The following CACNA2D2 variants were observed in gnomAD, a reference collection of about 807,000 sequenced individuals.
The protein encoded by CACNA2D2 is calcium voltage-gated channel auxiliary subunit alpha2delta 2, also known as voltage-dependent calcium channel subunit alpha-2/delta-2.
In CACNA2D2, 48 loss-of-function variants were observed where a neutral mutation model predicts 166.4. The ratio of observed to expected loss-of-function variants is 0.29; its 90% CI spans 0.23 to 0.37. The LOEUF is 0.37. Ranked by LOEUF, CACNA2D2 falls within the 10% of genes least tolerant of loss-of-function variation. The pLI is 1.00. For missense variants in CACNA2D2, 1,122 were observed against 1,433.0 expected (o/e 0.78, Z 3.50); for synonymous variants, 561 against 573.7 (o/e 0.98, Z 0.32).
chr3:50,483,554 G>A (rs1292890311), intron 1 of CACNA2D2, among the ~76,000 whole-genome samples: 3 of 152,176 alleles, frequency 2.0e-5, no homozygotes, highest in Admixed American at 1.3e-4. Context: ...GCCATCATCC[G>A]GCATTAATTA....
chr3:50,432,274 T>A (rs1708107385), intron 3 of CACNA2D2, among the ~76,000 whole-genome samples: 2 of 152,088 alleles, frequency 1.3e-5, no homozygotes, highest in South Asian at 2.1e-4. Flanking sequence ...GGCTGGGCCC[T>A]GGGCTCCACG....
chr3:50,382,147 A>T (rs924502346), intron 6 of CACNA2D2, among the ~76,000 whole-genome samples: 3 of 152,168 alleles, frequency 2.0e-5, no homozygotes, highest in African/African-American at 7.2e-5. Flanking sequence ...TGTGTGTGAC[A>T]CATGTTCTCA....
chr3:50,397,969 G>A (rs1559909849), intron 3 of CACNA2D2, among the ~76,000 whole-genome samples: 1 of 152,184 alleles, frequency 6.6e-6, no homozygotes, highest in Admixed American at 6.5e-5. Context: ...GGCCTGCTGA[G>A]GGCTGGCAGG....
At position 50,381,113 on chromosome 3, in the gene CACNA2D2, G is replaced by C; in HGVS notation, c.666C>G (p.Leu222=). The C allele has an allele frequency of 2.5e-6, 4 of 1,613,792 alleles. No individual in the cohort carries two copies. The highest frequency in any genetic ancestry group is 2.5e-6 in the Non-Finnish European group (3 of 1,179,860). ...TDIYKGSTVI[L]NELNWTEALE... ...GGGCCTCTGTCCAGTTGAGCTCATTGAGGATGACAGTGGCTGGGGGGAAGC... is the reference window on the plus strand; with the variant it reads ...GGGCCTCTGTCCAGTTGAGCTCATTCAGGATGACAGTGGCTGGGGGGAAGC... The change falls in exon 7 of 38, where the codon CTC becomes CTG. Residue 222 remains leucine (L), a synonymous_variant. Transcript: ENST00000424201.
At chr3:50,474,627 T>C (rs1710230466) in intron 2 of CACNA2D2, among the ~76,000 whole-genome samples, 1 of 152,210 alleles carries the variant, frequency 6.6e-6, no homozygotes, top group Non-Finnish European at 1.5e-5. Flanking sequence ...TGAAGGATTA[T>C]TGACTGGAGG....
At chr3:50,388,854 G>A (rs984767672) in intron 4 of CACNA2D2, among the ~76,000 whole-genome samples, 10 of 152,302 alleles carry the variant, frequency 6.6e-5, no homozygotes, top group Non-Finnish European at 1.5e-4. Context: ...GGCCAAATGT[G>A]CAGGCTTAGT....
intron 3 of CACNA2D2, among the ~76,000 whole-genome samples, chr3:50,422,291 C>G (rs576207367): frequency 2.6e-5 from 4 of 152,312 alleles, no homozygotes; most frequent in Admixed American, 2.0e-4. Flanking sequence ...GCTCCCCACA[C>G]AGTGGAAGCT....
rs188789827 is a variant in CACNA2D2, at chr3:50,457,716, C to T, written c.288+18402G>A. Among the ~76,000 whole-genome samples, 32 of 152,312 alleles carry T rather than the reference C, an allele frequency of 2.1e-4. 1 individual carries two copies. The South Asian group carries it at 3.7e-3, about 18-fold the overall frequency. On this transcript the variant is annotated intron_variant, in intron 2 of 37. Transcript: ENST00000424201. Reference sequence around the variant, plus strand: ...CATCACTTGCAGCAATGATGCTGAGCGCAGAGACTTCCCTCCACCTTTTAT... The same window carrying T: ...CATCACTTGCAGCAATGATGCTGAGTGCAGAGACTTCCCTCCACCTTTTAT...
In CACNA2D2 at chr3:50,365,335, G is replaced by A; in HGVS notation, c.3098+21C>T. 6.2e-7 allele frequency: 1 copy of A among 1,611,806 alleles called. No homozygotes were observed. Among genetic ancestry groups the A allele is most frequent in the East Asian group, 2.2e-5 (1 of 44,828 alleles). On this transcript the variant is annotated intron_variant, in intron 35 of 37. Transcript: ENST00000424201. This position sits in a 1 kb window ranked among gnomAD's most constrained non-coding sequence, Gnocchi z 4.5. ...TCACAGGTTCCGCCCTTGGCCTCTGGTCCCGCCCCACTGCCAGCACCTGGA... is the reference window on the plus strand; with the variant it reads ...TCACAGGTTCCGCCCTTGGCCTCTGATCCCGCCCCACTGCCAGCACCTGGA...
At chr3:50,482,166 C>T (rs565079316) in intron 1 of CACNA2D2, among the ~76,000 whole-genome samples, 1 of 152,318 alleles carries the variant, frequency 6.6e-6, no homozygotes, top group East Asian at 1.9e-4. Context: ...CGTGCTTCCC[C>T]CAGCAGTCAC....
At chr3:50,452,310 G>A (rs1367745713) in intron 2 of CACNA2D2, among the ~76,000 whole-genome samples, 1 of 152,198 alleles carries the variant, frequency 6.6e-6, no homozygotes, top group East Asian at 1.9e-4. Context: ...GTTCCCAAGA[G>A]TACTCTCCAG....
chr3:50,366,400 G>A lies in CACNA2D2; in HGVS notation c.2638-62C>T. ...GCTGGGCCCCGGACCTTCCACCGCA[G>A]GCAGTCCAGTGGTTCAGAGTTGGGG... On this transcript the variant is annotated intron_variant, in intron 30 of 37. Coordinates refer to ENST00000424201, the MANE Select transcript of CACNA2D2 (RefSeq NM_006030.4). This position sits in a 1 kb window ranked among gnomAD's most constrained non-coding sequence, Gnocchi z 5.9. 1 of 1,561,634 alleles carries A rather than the reference G, an allele frequency of 6.4e-7. No homozygotes were observed. Among genetic ancestry groups the A allele is most frequent in the South Asian group, 1.1e-5 (1 of 90,022 alleles).
intron 6 of CACNA2D2, among the ~76,000 whole-genome samples, chr3:50,381,552 T>C (rs1465148321): frequency 2.7e-5 from 4 of 150,544 alleles, no homozygotes; most frequent in African/African-American, 9.8e-5. Context: ...AAGGGCCTGC[T>C]GATGGGGCTG....
chr3:50,461,745 CAAAA>C lies in CACNA2D2; in HGVS notation c.288+14369_288+14372del, dbSNP rs561980044. 1.5e-4 allele frequency among the ~76,000 whole-genome samples: 6 copies of C among 40,594 alleles called. No individual in the cohort carries two copies. In the Admixed American group the frequency reaches 1.7e-3, roughly 12 times the overall value. The allele number at this position is 40,594 out of a possible 152,430, so 26.6% of individuals were successfully genotyped here. Reference sequence around the variant, plus strand: ...CACTGCACTCCAGCCTGGGGAGTCTCAAAAAAAAAAAAAAAAAAGAAAAAAAGAA... The same window carrying C: ...CACTGCACTCCAGCCTGGGGAGTCTCAAAAAAAAAAAAAAGAAAAAAAGAA... On this transcript the variant is annotated intron_variant, in intron 2 of 37. Transcript: ENST00000424201.
At chr3:50,478,847 T>C (rs1697916043) in intron 1 of CACNA2D2, among the ~76,000 whole-genome samples, 1 of 152,214 alleles carries the variant, frequency 6.6e-6, no homozygotes, top group Admixed American at 6.5e-5. Context: ...CCACAGGAAT[T>C]GGCAAATGCT....
chr3:50,436,695 T>TA (rs1708366437), intron 2 of CACNA2D2, among the ~76,000 whole-genome samples: 1 of 152,210 alleles, frequency 6.6e-6, no homozygotes, highest in Admixed American at 6.5e-5. Flanking sequence ...GGCTATTAGT[T>TA]TGGGATCACC....
chr3:50,400,779 C>T lies in CACNA2D2; in HGVS notation c.406-6611G>A, dbSNP rs115255230. Among the ~76,000 whole-genome samples, 1,179 of 152,352 alleles carry T rather than the reference C, an allele frequency of 7.7e-3. 10 individuals carry two copies. The highest frequency in any genetic ancestry group is 0.041 in the South Asian group (200 of 4,826). On this transcript the variant is annotated intron_variant, in intron 3 of 37. Coordinates refer to ENST00000424201, the MANE Select transcript of CACNA2D2 (RefSeq NM_006030.4). ...CTTCCTTCGCCCCTTGGCGCATCTACGCTGGACACACTTGGCTCCTGTCTC... is the reference window on the plus strand; with the variant it reads ...CTTCCTTCGCCCCTTGGCGCATCTATGCTGGACACACTTGGCTCCTGTCTC...
intron 2 of CACNA2D2, among the ~76,000 whole-genome samples, chr3:50,467,698 CAAG>C (rs749262346): frequency 6.6e-6 from 1 of 152,162 alleles, no homozygotes; most frequent in African/African-American, 2.4e-5. Context: ...CAAAGATAGA[CAAG>C]GAGGGGGTGT....
In CACNA2D2 at chr3:50,378,940, C is replaced by A. The variant is rs1273304962; in HGVS notation, c.1314G>T (p.Leu438=). ...VGQHNYDVTP[L]QWMACANKGY... ...CTTTGTTGGCACAGGCCATCCACTG[C>A]AGCGGTGTGACGTCATAGTTATGCT... Residue 438 remains leucine (L), a synonymous_variant, in exon 13 of 38, where the codon CTG becomes CTT. Coordinates refer to ENST00000424201, the MANE Select transcript of CACNA2D2 (RefSeq NM_006030.4). 1.2e-6 allele frequency: 2 copies of A among 1,613,772 alleles called. No individual in the cohort carries two copies. Among genetic ancestry groups the A allele is most frequent in the Non-Finnish European group, 1.7e-6 (2 of 1,180,042 alleles).
Sources: gnomAD v4.1 joint callset for allele counts (sites outside exome capture counted in the v4.1 genomes callset) on GRCh38, gnomAD v4.1.1 for gene constraint, Gnocchi (gnomAD v3.1) non-coding constraint, MANE v1.5 for transcripts, NCBI Gene and HGNC (gene_info 2026-07-23, HGNC 2026-07-21) for gene names.